SDK1: variants seen among roughly 807,000 people sequenced by gnomAD.
SDK1 encodes protein sidekick-1.
SDK1 carries 157 observed loss-of-function variants against 245.5 expected under a neutral mutation model. That is an observed-to-expected ratio of 0.64 (90% CI 0.56 to 0.73). The LOEUF is 0.73. Among genes scored for constraint, SDK1 ranks in the 30% least tolerant of loss-of-function variants. SDK1 has a pLI of 0.00. For synonymous variants in SDK1, 1,647 were observed against 1,278.5 expected, an observed-to-expected ratio of 1.29 and a Z score of -6.15; for missense variants, 3,583 against 3,002.3, an observed-to-expected ratio of 1.19 and a Z score of -4.52.
At chr7:3,480,061 A>G (rs912816491) in intron 1 of SDK1, among the ~76,000 whole-genome samples, 4 of 152,272 alleles carry the variant, frequency 2.6e-5, no homozygotes, top group Admixed American at 2.0e-4. Context: ...GTCCCTTTAC[A>G]TGGCAAAGGG....
At chr7:3,947,771 G>A (rs780180643) in intron 5 of SDK1, among the ~76,000 whole-genome samples, 1 of 152,000 alleles carries the variant, frequency 6.6e-6, no homozygotes, top group African/African-American at 2.4e-5. Flanking sequence ...TCATGAAGTG[G>A]TGTGAGCTAA....
intron 16 of SDK1, among the ~76,000 whole-genome samples, chr7:4,015,812 C>T (rs1478991461): frequency 1.3e-5 from 2 of 152,228 alleles, no homozygotes; most frequent in Non-Finnish European, 2.9e-5. Context: ...CCGGTACCTT[C>T]TTGCTACTCA....
chr7:3,638,975 C>G (rs369410016), intron 2 of SDK1, 29 bp from the exon 3 acceptor site: 3 of 1,401,334 alleles, frequency 2.1e-6, no homozygotes, highest in African/African-American at 1.4e-5. Flanking sequence ...TGGATATAAG[C>G]ATTAACACTT....
At chr7:4,235,984 C>T (rs1027588274) in intron 41 of SDK1, among the ~76,000 whole-genome samples, 3 of 152,376 alleles carry the variant, frequency 2.0e-5, no homozygotes, top group Admixed American at 6.5e-5. Flanking sequence ...TCAGACTTGC[C>T]GCATGGAGTA....
chr7:3,407,634 T>C (rs928420891), intron 1 of SDK1, among the ~76,000 whole-genome samples: 17 of 152,208 alleles, frequency 1.1e-4, no homozygotes, highest in African/African-American at 3.9e-4. Context: ...TTTCTGCTAG[T>C]GACCTACATT....
At chr7:3,307,733 G>C (rs982336308) in intron 1 of SDK1, among the ~76,000 whole-genome samples, 5 of 152,174 alleles carry the variant, frequency 3.3e-5, no homozygotes, top group Non-Finnish European at 7.4e-5. Context: ...ATTGGGCTAA[G>C]TATCAGTAGG....
chr7:4,070,918 G>C (rs1780217109), intron 20 of SDK1, among the ~76,000 whole-genome samples: 1 of 151,916 alleles, frequency 6.6e-6, no homozygotes, highest in Non-Finnish European at 1.5e-5. Context: ...CACCATGTTA[G>C]CCAGGATGGT....
chr7:3,897,745 C>G (rs1195251869), intron 5 of SDK1, among the ~76,000 whole-genome samples: 2 of 150,064 alleles, frequency 1.3e-5, no homozygotes, highest in African/African-American at 2.4e-5. Flanking sequence ...GTTTTTACAG[C>G]TGTGTGTGTG....
chr7:3,546,210 A>T (rs1401845353), intron 1 of SDK1, among the ~76,000 whole-genome samples: 1 of 152,156 alleles, frequency 6.6e-6, no homozygotes, highest in Non-Finnish European at 1.5e-5. Context: ...CCTGAGGATG[A>T]TGACACCGCG....
At chr7:3,662,325 C>T (rs1231954161) in intron 4 of SDK1, among the ~76,000 whole-genome samples, 1 of 152,100 alleles carries the variant, frequency 6.6e-6, no homozygotes, top group Non-Finnish European at 1.5e-5. Flanking sequence ...GACATCCTGT[C>T]TGGTTACACA....
chr7:4,009,839 T>C (rs1211074848), intron 14 of SDK1, among the ~76,000 whole-genome samples: 1 of 152,252 alleles, frequency 6.6e-6, no homozygotes, highest in Non-Finnish European at 1.5e-5. Flanking sequence ...TTATGGCCAC[T>C]GCTTGGTGAT....
chr7:3,897,197 A>G (rs1781633149), intron 5 of SDK1, among the ~76,000 whole-genome samples: 1 of 152,226 alleles, frequency 6.6e-6, no homozygotes, highest in Non-Finnish European at 1.5e-5. Context: ...AACCATATCA[A>G]TACATAACAT....
At chr7:4,152,559 G>A (rs1032695194) in intron 30 of SDK1, among the ~76,000 whole-genome samples, 2 of 152,186 alleles carry the variant, frequency 1.3e-5, no homozygotes, top group African/African-American at 4.8e-5. Flanking sequence ...CTTCATGCTG[G>A]CAAGGAGAGG....
intron 1 of SDK1, among the ~76,000 whole-genome samples, chr7:3,347,865 C>T (rs1388278992): frequency 2.7e-5 from 4 of 150,046 alleles, no homozygotes; most frequent in African/African-American, 7.4e-5. Flanking sequence ...GGCTTAGTAT[C>T]GAGCCAGTTA....
intron 14 of SDK1, among the ~76,000 whole-genome samples, chr7:4,002,585 C>T (rs1047767258): frequency 3.3e-5 from 5 of 152,204 alleles, no homozygotes; most frequent in Non-Finnish European, 7.3e-5. Context: ...ATTTCAGTTC[C>T]TTCCCATACT....
At chr7:3,957,357 G>T (rs1781353198) in intron 7 of SDK1, among the ~76,000 whole-genome samples, 1 of 152,186 alleles carries the variant, frequency 6.6e-6, no homozygotes, top group African/African-American at 2.4e-5. Flanking sequence ...TCCTGATCAT[G>T]ATGTTATGCT....
chr7:3,948,619 G>C (rs188475391), intron 5 of SDK1, among the ~76,000 whole-genome samples: 2 of 152,336 alleles, frequency 1.3e-5, no homozygotes, highest in Non-Finnish European at 2.9e-5. Context: ...TCCTCCTCCT[G>C]TGGTGGAGCT....
chr7:3,592,036 T>A (rs1020860231), intron 1 of SDK1, among the ~76,000 whole-genome samples: 1 of 152,178 alleles, frequency 6.6e-6, no homozygotes, highest in African/African-American at 2.4e-5. Flanking sequence ...TTTGTGGAAA[T>A]TACAGTTTTG....
At chr7:3,949,615 T>C (rs1206900151) in intron 5 of SDK1, among the ~76,000 whole-genome samples, 2 of 152,230 alleles carry the variant, frequency 1.3e-5, no homozygotes, top group Non-Finnish European at 2.9e-5. Flanking sequence ...CTCCGCCCTT[T>C]ATTGAAATCC....
Sources: allele counts gnomAD v4.1 joint callset (sites outside exome capture counted in the v4.1 genomes callset), GRCh38; gene constraint gnomAD v4.1.1; transcripts MANE v1.5; gene names NCBI Gene and HGNC (gene_info 2026-07-23, HGNC 2026-07-21).